The following ARMC2 variants were observed in gnomAD, a reference collection of about 807,000 sequenced individuals.
ARMC2 encodes the protein armadillo repeat containing 2, also known as armadillo repeat-containing protein 2.
In ARMC2, 67 loss-of-function variants were observed where a neutral mutation model predicts 90.3. The observed-to-expected ratio is 0.74, with a 90% CI of 0.61 to 0.91. ARMC2 has a LOEUF of 0.91. ARMC2 is among the 40% of genes least tolerant of loss of function. The pLI, the probability that ARMC2 is intolerant of heterozygous loss-of-function variation, is 0.00. For missense variants in ARMC2, 920 were observed against 1,030.9 expected (o/e 0.89, Z 1.47); for synonymous variants, 393 against 393.0 (o/e 1.00, Z 0.00).
At chr6:108,909,484 C>T (rs1177676239) in intron 8 of ARMC2, among the ~76,000 whole-genome samples, 2 of 151,466 alleles carry the variant, frequency 1.3e-5, no homozygotes, top group African/African-American at 4.8e-5. Flanking sequence ...TCCTTATCAC[C>T]CCATGTTTAA....
At chr6:108,961,520 G>A in intron 13 of ARMC2, 52 bp from the exon 14 acceptor site, 1 of 1,523,272 alleles carries the variant, frequency 6.6e-7, no homozygotes, top group Admixed American at 2.1e-5. Flanking sequence ...CAACGTAGTT[G>A]GTTCTACTCC....
chr6:108,925,244 C>CA (rs1204097170), intron 10 of ARMC2, among the ~76,000 whole-genome samples: 1 of 151,824 alleles, frequency 6.6e-6, no homozygotes, highest in East Asian at 1.9e-4. Context: ...CCTCTGCTTT[C>CA]AAAAAAAATC....
chr6:108,938,394 A>G (rs533646528), intron 12 of ARMC2, among the ~76,000 whole-genome samples: 8 of 147,932 alleles, frequency 5.4e-5, no homozygotes, highest in African/African-American at 2.0e-4. Context: ...GATTACAGGC[A>G]TGTGCCACCA....
chr6:109,011,468 C>T, the ARMC2 span, among the ~76,000 whole-genome samples: 1 of 152,092 alleles, frequency 6.6e-6, no homozygotes, highest in African/African-American at 2.4e-5. Flanking sequence ...TTTATGGTCT[C>T]TATAAAGACT....
the ARMC2 span, among the ~76,000 whole-genome samples, chr6:109,017,995 C>G: frequency 6.6e-6 from 1 of 152,108 alleles, no homozygotes; most frequent in Non-Finnish European, 1.5e-5. Flanking sequence ...GGCGAGAACC[C>G]TGTCTCTTTC....
At chr6:108,927,639 GGCC>G (rs1562398126) in intron 10 of ARMC2, among the ~76,000 whole-genome samples, 1 of 150,284 alleles carries the variant, frequency 6.7e-6, no homozygotes, top group East Asian at 2.0e-4. Context: ...AATATTCCTT[GGCC>G]ACATCATTCA....
intron 6 of ARMC2, among the ~76,000 whole-genome samples, chr6:108,895,562 A>T (rs894909198): frequency 1.1e-4 from 17 of 151,860 alleles, no homozygotes; most frequent in African/African-American, 4.1e-4. Context: ...TTGGGCCTTT[A>T]AAGTGTTTGA....
rs562684978 is a variant in ARMC2, at chr6:108,922,227, G to C, written c.1351-5861G>C. Among the ~76,000 whole-genome samples, 40 of 152,202 alleles carry C rather than the reference G, an allele frequency of 2.6e-4. No individual in the cohort carries two copies. In the South Asian group the frequency reaches 8.3e-3, roughly 32 times the overall value. Reference sequence around the variant, plus strand: ...AGACCACAGCTGCTGGGCCTGTGTTGTGTCCTCAAGTCCAGTGATCCAAGT... The same window carrying C: ...AGACCACAGCTGCTGGGCCTGTGTTCTGTCCTCAAGTCCAGTGATCCAAGT... On this transcript the variant is annotated intron_variant, in intron 10 of 17. Coordinates refer to ENST00000392644, the MANE Select transcript of ARMC2 (RefSeq NM_032131.6).
At chr6:109,000,878 T>A in the ARMC2 span, among the ~76,000 whole-genome samples, 6 of 152,244 alleles carry the variant, frequency 3.9e-5, no homozygotes, top group Non-Finnish European at 7.4e-5. Flanking sequence ...ACAAACAAAA[T>A]ATCTGATAAA....
At chr6:108,920,174 A>G (rs1774412937) in intron 10 of ARMC2, among the ~76,000 whole-genome samples, 4 of 151,768 alleles carry the variant, frequency 2.6e-5, no homozygotes, top group Admixed American at 2.0e-4. Context: ...CTAATTTTTT[A>G]TTTTGTTTTG....
At chr6:108,860,222 G>A (rs1775083337) in intron 3 of ARMC2, among the ~76,000 whole-genome samples, 1 of 151,634 alleles carries the variant, frequency 6.6e-6, no homozygotes, top group Non-Finnish European at 1.5e-5. Context: ...TTTCATGGTT[G>A]TAGCATGTTA....
chr6:109,024,070 A>T, the ARMC2 span, among the ~76,000 whole-genome samples: 2 of 152,208 alleles, frequency 1.3e-5, no homozygotes. Context: ...ACATTTCATT[A>T]TATCTCAATT....
At chr6:108,924,158 A>C (rs1318619086) in intron 10 of ARMC2, 3 of 152,196 alleles carry the variant, frequency 2.0e-5, no homozygotes. Flanking sequence ...AAGAGGAAGG[A>C]GAGGAAGTGA....
chr6:108,889,490 G>A (rs1291243486), intron 5 of ARMC2, among the ~76,000 whole-genome samples: 1 of 151,594 alleles, frequency 6.6e-6, no homozygotes, highest in Non-Finnish European at 1.5e-5. Flanking sequence ...ACCCAAGCTG[G>A]AATGCAATGG....
intron 3 of ARMC2, among the ~76,000 whole-genome samples, chr6:108,865,703 C>G (rs1331416328): frequency 6.6e-6 from 1 of 152,048 alleles, no homozygotes; most frequent in Non-Finnish European, 1.5e-5. Context: ...AATTTGCTTT[C>G]CAAACCATAT....
chr6:108,861,883 C>T (rs1341972390), intron 3 of ARMC2, among the ~76,000 whole-genome samples: 1 of 152,126 alleles, frequency 6.6e-6, no homozygotes, highest in Admixed American at 6.5e-5. Flanking sequence ...TTTACCCTTC[C>T]CTTAAAAAGA....
intron 1 of ARMC2, among the ~76,000 whole-genome samples, chr6:108,853,596 A>G (rs538302274): frequency 6.6e-6 from 1 of 152,308 alleles, no homozygotes; most frequent in South Asian, 2.1e-4. Context: ...TTTGAGAAGG[A>G]TCTGCATTCT....
At chr6:108,883,955 T>C (rs1204003385) in intron 5 of ARMC2, among the ~76,000 whole-genome samples, 1 of 152,200 alleles carries the variant, frequency 6.6e-6, no homozygotes, top group Non-Finnish European at 1.5e-5. Flanking sequence ...GGTGGGATCC[T>C]GGATAATTTT....
the ARMC2 span, chr6:108,992,771 C>T: frequency 1.5e-5 from 22 of 1,493,620 alleles, no homozygotes; most frequent in Non-Finnish European, 2.1e-5. Context: ...CATGTGCATA[C>T]AAGTTGCAAT....
Sources: allele counts gnomAD v4.1 joint callset (sites outside exome capture counted in the v4.1 genomes callset), GRCh38; gene constraint gnomAD v4.1.1; transcripts MANE v1.5; gene names NCBI Gene and HGNC (gene_info 2026-07-23, HGNC 2026-07-21).